Variants in DSE observed in about 807,000 individuals in gnomAD.
The protein encoded by DSE is dermatan sulfate epimerase, also known as dermatan-sulfate epimerase.
Under a neutral mutation model 84.4 loss-of-function variants are expected in DSE, and 36 were observed. That is an observed-to-expected ratio of 0.43 (90% confidence interval 0.33 to 0.56). The LOEUF is 0.56. Among genes scored for constraint, DSE ranks in the 20% least tolerant of loss-of-function variants. DSE has a pLI of 0.06. For synonymous variants in DSE, 410 were observed against 430.1 expected (o/e 0.95, Z 0.58); for missense variants, 862 against 1,169.6 (o/e 0.74, Z 3.84).
intron 2 of DSE, among the ~76,000 whole-genome samples, chr6:116,335,380 G>A (rs9488907): frequency 0.046 from 6,992 of 152,226 alleles, 517 homozygotes; most frequent in African/African-American, 0.15. Context: ...ATGCAAGGGT[G>A]GAGGGTGGGA....
At chr6:116,376,169 C>G (rs188728189) in intron 1 of DSE, among the ~76,000 whole-genome samples, 237 of 152,294 alleles carry the variant, frequency 1.6e-3, no homozygotes, top group Non-Finnish European at 2.6e-3. Context: ...TTTACAGACC[C>G]CCTTTCCGCA....
At chr6:116,357,111 A>G (rs2114867674) in intron 2 of DSE, among the ~76,000 whole-genome samples, 1 of 152,268 alleles carries the variant, frequency 6.6e-6, no homozygotes, top group South Asian at 2.1e-4. Context: ...TCCCACCCGC[A>G]TGTTTACTAA....
intron 3 of DSE, among the ~76,000 whole-genome samples, chr6:116,430,194 T>C (rs984888747): frequency 2.6e-5 from 4 of 152,232 alleles, no homozygotes; most frequent in Non-Finnish European, 5.9e-5. Context: ...CAGTGGTTTC[T>C]CAGCCCCACT....
intron 1 of DSE, among the ~76,000 whole-genome samples, chr6:116,396,541 A>C (rs1329151428): frequency 1.3e-5 from 2 of 152,248 alleles, no homozygotes; most frequent in Non-Finnish European, 2.9e-5. Context: ...AGTAATGCAC[A>C]ACCTTGCTGC....
intron 3 of DSE, among the ~76,000 whole-genome samples, chr6:116,427,363 G>T (rs1011124994): frequency 6.6e-6 from 1 of 151,994 alleles, no homozygotes; most frequent in African/African-American, 2.4e-5. Context: ...CATTTTCTTT[G>T]TTCTTTTAAC....
rs760862778 is a variant in DSE, at chr6:116,435,862, T to A, written c.1394T>A (p.Val465Glu). The change falls in exon 6 of 6, where the codon GTG (valine) becomes GAG (glutamate). Residue 465 changes from valine to glutamate, a missense_variant. Val to Glu is a moderately radical substitution (Grantham distance 121). This residue lies in a region of DSE where 186 missense variants were observed against 255.1 expected (regional missense o/e 0.73). Coordinates refer to ENST00000644252, the MANE Select transcript of DSE (RefSeq NM_013352.4). ...TCATTTACTTTTGCTCCCAATGGTG[T>A]GCCTTTCATTACTGAGGCTCTGTAC... ...QNSFTFAPNG[V>E]PFITEALYGP... 3.1e-6 allele frequency: 5 copies of A among 1,614,070 alleles called. No homozygotes were observed. In the African/African-American group the frequency reaches 5.3e-5, roughly 17 times the overall value.
rs539730211 is a variant in DSE, at chr6:116,443,101, A to G, written c.*5756A>G. 3 of 152,180 alleles carry G rather than the reference A, an allele frequency of 2.0e-5. No homozygotes were observed. Among genetic ancestry groups the G allele is most frequent in the Non-Finnish European group, 2.9e-5 (2 of 68,026 alleles). 9.4% of individuals were successfully genotyped at this position (152,180 alleles called of 1,614,324 possible). ...AGCTTCAGTGTAGAGAGTGGACCCA[A>G]TGGGGAAGAGGTTAGGAGACCATTT... On this transcript the variant is annotated 3_prime_UTR_variant, in exon 6 of 6. Coordinates refer to ENST00000644252, the MANE Select transcript of DSE (RefSeq NM_013352.4).
Position 116,299,575 on chromosome 6 carries a change from T to C in DSE, c.-54+40608T>C, listed in dbSNP as rs866182057. Among the ~76,000 whole-genome samples, 76 of 126,970 alleles carry C rather than the reference T, an allele frequency of 6.0e-4. 1 individual carries two copies. Among genetic ancestry groups the C allele is most frequent in the Non-Finnish European group, 8.2e-4 (46 of 56,086 alleles). 83.3% of individuals were successfully genotyped at this position (126,970 alleles called of 152,430 possible). The stretch of plus-strand genomic sequence containing the variant: ...ATACACATACACACACACACACACA[T>C]ACATATATATGTATGTATATGTGTG... On this transcript the variant is annotated intron_variant, in intron 2 of 3. Transcript: ENST00000430252.
At chr6:116,401,322 C>T (rs1336972177) in intron 2 of DSE, 1 of 152,014 alleles carries the variant, frequency 6.6e-6, no homozygotes, top group African/African-American at 2.4e-5. Flanking sequence ...TTATTGATCA[C>T]TGGAGGTGTA....
At chr6:116,327,753 T>C (rs1432266304) in intron 2 of DSE, among the ~76,000 whole-genome samples, 2 of 152,354 alleles carry the variant, frequency 1.3e-5, no homozygotes, top group East Asian at 3.9e-4. Context: ...TTCTAGAAAA[T>C]GTTCTATGAT....
intron 2 of DSE, among the ~76,000 whole-genome samples, chr6:116,404,774 G>C (rs550704615): frequency 6.6e-6 from 1 of 152,248 alleles, no homozygotes; most frequent in Admixed American, 6.5e-5. Context: ...TAGCTATGTT[G>C]TCACTCTGGA....
rs187978602 is a variant in DSE at position 116,337,782 on chromosome 6, C to T, written c.-53-61416C>T. Reference sequence around the variant, plus strand: ...ATGAAGACAGAGTTCAGATATGTTACAGTAAAATGAGTTTACATACTTCTT... The same window carrying T: ...ATGAAGACAGAGTTCAGATATGTTATAGTAAAATGAGTTTACATACTTCTT... On this transcript the variant is annotated intron_variant, in intron 2 of 3. Transcript: ENST00000430252. Among the ~76,000 whole-genome samples, 145 of 144,734 alleles carry T rather than the reference C, an allele frequency of 1.0e-3. 1 individual carries two copies. Among genetic ancestry groups the T allele is most frequent in the African/African-American group, 3.6e-3 (141 of 39,150 alleles). The allele number at this position is 144,734 out of a possible 152,430, so 95.0% of individuals were successfully genotyped here.
intron 2 of DSE, among the ~76,000 whole-genome samples, chr6:116,333,941 C>T (rs1777095603): frequency 6.6e-6 from 1 of 152,100 alleles, no homozygotes; most frequent in Non-Finnish European, 1.5e-5. Flanking sequence ...CACTCCACTC[C>T]GGCCTGGGTG....
In DSE at chr6:116,395,573, CT is replaced by C. The variant is rs796076527; in HGVS notation, c.-53-3616del. The stretch of plus-strand genomic sequence containing the variant: ...CAACAATTTTTGCCATATCCATTTA[CT>C]TTTTTTTTACTTTTAAATTTAAATA... On this transcript the variant is annotated intron_variant, in intron 1 of 5. Transcript: ENST00000644252. 9.3e-3 allele frequency among the ~76,000 whole-genome samples: 1,415 copies of C among 151,458 alleles called. 21 individuals are homozygous for C. The highest frequency in any genetic ancestry group is 0.033 in the African/African-American group (1,358 of 41,300).
Position 116,436,517 on chromosome 6 carries a change from G to A in DSE, c.2049G>A (p.Leu683=), listed in dbSNP as rs901583235. ...SFTVHGDSQQ[L]DVFIATSKHA... is the part of the protein sequence containing the mutation. Reference sequence around the variant, plus strand: ...CTGTCCACGGAGACTCTCAGCAACTGGATGTGTTCATAGCCACCAGCAAAC... The same window carrying A: ...CTGTCCACGGAGACTCTCAGCAACTAGATGTGTTCATAGCCACCAGCAAAC... The change falls in exon 6 of 6, where the codon CTG becomes CTA. Residue 683 remains leucine (L), a synonymous_variant. Coordinates refer to ENST00000644252, the MANE Select transcript of DSE (RefSeq NM_013352.4). The A allele has an allele frequency of 3.1e-6, 5 of 1,614,042 alleles. No homozygotes were observed. The African/African-American group carries it at 6.7e-5, about 22-fold the overall frequency.
At chr6:116,296,054 C>T (rs1261477525) in intron 2 of DSE, among the ~76,000 whole-genome samples, 1 of 152,126 alleles carries the variant, frequency 6.6e-6, no homozygotes, top group Non-Finnish European at 1.5e-5. Context: ...TGCCTGGTGA[C>T]ATTCTACATA....
chr6:116,278,786 C>G lies in DSE; in HGVS notation c.-54+19819C>G, dbSNP rs996015480. 3.7e-6 allele frequency: 6 copies of G among 1,614,170 alleles called. No homozygotes were observed. The Admixed American group carries it at 5.0e-5, about 13-fold the overall frequency. On this transcript the variant is annotated intron_variant, in intron 2 of 3. Coordinates refer to the DSE transcript ENST00000430252. ...CATATAATTGGAGTAGAAAGAGACACCACTCGGCCGGAGGATCTTACCTCA... is the reference window on the plus strand; with the variant it reads ...CATATAATTGGAGTAGAAAGAGACAGCACTCGGCCGGAGGATCTTACCTCA...
intron 2 of DSE, among the ~76,000 whole-genome samples, chr6:116,425,307 C>G (rs1783360632): frequency 6.6e-6 from 1 of 152,104 alleles, no homozygotes; most frequent in African/African-American, 2.4e-5. Context: ...ACTAGATTGC[C>G]AAAAGAGGTT....
chr6:116,390,613 A>T (rs1437762571), intron 1 of DSE, among the ~76,000 whole-genome samples: 1 of 152,236 alleles, frequency 6.6e-6, no homozygotes, highest in Non-Finnish European at 1.5e-5. Flanking sequence ...AATTTAGAAT[A>T]GTGTATTCTA....
Sources: gnomAD v4.1 joint callset for allele counts (sites outside exome capture counted in the v4.1 genomes callset) on GRCh38, gnomAD v4.1.1 for gene constraint, gnomAD v4.1.1 regional missense constraint, MANE v1.5 for transcripts, NCBI Gene and HGNC (gene_info 2026-07-23, HGNC 2026-07-21) for gene names.